Variants in DLG2 observed in about 807,000 individuals in gnomAD.
DLG2 encodes disks large homolog 2.
DLG2 carries 45 observed loss-of-function variants against 132.5 expected under a neutral mutation model. The observed-to-expected ratio is 0.34, with a 90% confidence interval of 0.27 to 0.44. DLG2 has a LOEUF of 0.44. DLG2 is among the 20% of genes least tolerant of loss of function. The probability of loss-of-function intolerance (pLI) is 1.00; values close to 1 mark genes in which losing one functional copy is unlikely to be tolerated. For synonymous variants in DLG2, 424 were observed against 419.6 expected (o/e 1.01, Z -0.13); for missense variants, 1,045 against 1,196.9 (o/e 0.87, Z 1.87).
chr11:84,285,955 G>C (rs567209599), intron 7 of DLG2, among the ~76,000 whole-genome samples: 31 of 152,228 alleles, frequency 2.0e-4, no homozygotes, highest in African/African-American at 6.5e-4. Flanking sequence ...TGCACAGCCA[G>C]AATTAGCAAC....
intron 3 of DLG2, among the ~76,000 whole-genome samples, chr11:85,424,603 G>C (rs1330151528): frequency 6.6e-6 from 1 of 152,230 alleles, no homozygotes; most frequent in Non-Finnish European, 1.5e-5. Flanking sequence ...TCCAACTGAA[G>C]TAGATCCCAG....
intron 6 of DLG2, among the ~76,000 whole-genome samples, chr11:85,064,481 C>G (rs1470312055): frequency 6.6e-6 from 1 of 151,702 alleles, no homozygotes; most frequent in Non-Finnish European, 1.5e-5. Context: ...CTATACCTCG[C>G]CACTTACATA....
chr11:83,496,743 T>C (rs1196238436), intron 21 of DLG2, among the ~76,000 whole-genome samples: 1 of 152,156 alleles, frequency 6.6e-6, no homozygotes, highest in Non-Finnish European at 1.5e-5. Context: ...AACTAAGCTA[T>C]GGTGGTAGAA....
chr11:83,792,574 T>C (rs1349912698), intron 17 of DLG2, among the ~76,000 whole-genome samples: 4 of 152,136 alleles, frequency 2.6e-5, no homozygotes, highest in African/African-American at 9.6e-5. Context: ...AAATATATAA[T>C]TTAAAATTTT....
At position 85,285,335 on chromosome 11, in the gene DLG2, A is replaced by G; in HGVS notation, c.71T>C (p.Leu24Pro). ...CTGCTCACAACTTTTTTGAGAATTT[A>G]GCAATGTCACCTCATAAAATTCTTG... ...DIQEFYEVTL[L>P]NSQKSCEQKI... The change falls in exon 4 of 28, where the codon CTA (leucine) becomes CCA (proline). Residue 24 changes from leucine to proline, a missense_variant. By Grantham distance (98) the Leu-to-Pro change is moderately conservative. Transcript: ENST00000376104. 6.2e-7 allele frequency: 1 copy of G among 1,611,576 alleles called. No individual in the cohort carries two copies. Among genetic ancestry groups the G allele is most frequent in the Non-Finnish European group, 8.5e-7 (1 of 1,178,482 alleles).
At chr11:84,807,471 A>C (rs532408266) in intron 6 of DLG2, among the ~76,000 whole-genome samples, 1 of 152,240 alleles carries the variant, frequency 6.6e-6, no homozygotes, top group East Asian at 1.9e-4. Context: ...CAAAAAAGCA[A>C]AAAAAGAATA....
At chr11:85,118,282 C>T (rs547259843) in intron 5 of DLG2, among the ~76,000 whole-genome samples, 1 of 152,176 alleles carries the variant, frequency 6.6e-6, no homozygotes, top group South Asian at 2.1e-4. Flanking sequence ...CCAAAGGATG[C>T]TGAGAACAAG....
At chr11:85,043,427 C>T (rs899541212) in intron 6 of DLG2, among the ~76,000 whole-genome samples, 1 of 151,620 alleles carries the variant, frequency 6.6e-6, no homozygotes, top group Non-Finnish European at 1.5e-5. Flanking sequence ...GAAAGCTTCA[C>T]CAAACCATTA....
chr11:85,583,236 G>T (rs1416104305), intron 3 of DLG2, among the ~76,000 whole-genome samples: 1 of 145,768 alleles, frequency 6.9e-6, no homozygotes, highest in East Asian at 2.0e-4. Flanking sequence ...TGTGATCAGA[G>T]CTCACTGCAG....
At chr11:84,051,775 TA>T (rs950863308) in intron 11 of DLG2, among the ~76,000 whole-genome samples, 6 of 145,114 alleles carry the variant, frequency 4.1e-5, no homozygotes, top group African/African-American at 7.6e-5. Context: ...AAGTATAATA[TA>T]AAAAAAAAGA....
At chr11:84,703,920 T>G (rs1308981629) in intron 6 of DLG2, among the ~76,000 whole-genome samples, 1 of 130,040 alleles carries the variant, frequency 7.7e-6, no homozygotes, top group African/African-American at 3.1e-5. Context: ...GTGTGTGTAT[T>G]TATATATGTA....
At chr11:85,043,980 CT>C in intron 6 of DLG2, among the ~76,000 whole-genome samples, 1 of 152,002 alleles carries the variant, frequency 6.6e-6, no homozygotes, top group East Asian at 1.9e-4. Context: ...TACAGAATAA[CT>C]TTAATAAACA....
rs147650902 is a variant in DLG2 at position 84,201,280 on chromosome 11, C to G, written c.574-37769G>C. Reference sequence around the variant, plus strand: ...TTGTGTATGTTGAACCAATCTTTTACCCCAGGGATGAAGCCTATTTGACTG... The same window carrying G: ...TTGTGTATGTTGAACCAATCTTTTAGCCCAGGGATGAAGCCTATTTGACTG... On this transcript the variant is annotated intron_variant, in intron 8 of 27. Transcript: ENST00000376104. Among the ~76,000 whole-genome samples, 27 of 152,174 alleles carry G rather than the reference C, an allele frequency of 1.8e-4. No individual in the cohort carries two copies. The East Asian group carries it at 5.0e-3, about 28-fold the overall frequency.
chr11:84,777,324 T>TATATATATAC lies in DLG2; in HGVS notation c.358-242594_358-242593insGTATATATAT, dbSNP rs1449220928. ...ATATATATATATATATATATATATA[T>TATATATATAC]ACGTTTTCTTTACCCAGTCATCCAC... On this transcript the variant is annotated intron_variant, in intron 6 of 27. Coordinates refer to ENST00000376104, the MANE Select transcript of DLG2 (RefSeq NM_001142699.3). Among the ~76,000 whole-genome samples the TATATATATAC allele has an allele frequency of 1.5e-3, 156 of 105,754 alleles. 1 individual carries two copies. Among genetic ancestry groups the TATATATATAC allele is most frequent in the South Asian group, 2.6e-3 (8 of 3,128 alleles). The allele number at this position is 105,754 out of a possible 152,430, so 69.4% of individuals were successfully genotyped here.
chr11:85,349,941 T>C (rs1246224003), intron 3 of DLG2, among the ~76,000 whole-genome samples: 1 of 151,584 alleles, frequency 6.6e-6, no homozygotes, highest in East Asian at 1.9e-4. Flanking sequence ...ATGGGATTGC[T>C]AGGTCAAATG....
At chr11:83,941,649 C>T (rs888115733) in intron 14 of DLG2, among the ~76,000 whole-genome samples, 1 of 152,136 alleles carries the variant, frequency 6.6e-6, no homozygotes, top group Non-Finnish European at 1.5e-5. Flanking sequence ...CGGCCTCAGC[C>T]TCCCCAAGTG....
intron 3 of DLG2, among the ~76,000 whole-genome samples, chr11:85,472,415 C>T (rs975727668): frequency 6.6e-6 from 1 of 152,180 alleles, no homozygotes; most frequent in Non-Finnish European, 1.5e-5. Context: ...GATTCTCCTG[C>T]CTCAGCCTCC....
chr11:84,934,173 T>C (rs984353542), intron 6 of DLG2, among the ~76,000 whole-genome samples: 1 of 152,160 alleles, frequency 6.6e-6, no homozygotes, highest in African/African-American at 2.4e-5. Context: ...ATAAATCACA[T>C]TTATTGATTT....
chr11:85,517,602 T>C (rs760055504), intron 3 of DLG2, among the ~76,000 whole-genome samples: 1 of 151,962 alleles, frequency 6.6e-6, no homozygotes, highest in Non-Finnish European at 1.5e-5. Flanking sequence ...ATCAGTAGCA[T>C]TTCTTTCTTC....
Sources: gnomAD v4.1 joint callset for allele counts (sites outside exome capture counted in the v4.1 genomes callset) on GRCh38, gnomAD v4.1.1 for gene constraint, MANE v1.5 for transcripts, NCBI Gene and HGNC (gene_info 2026-07-23, HGNC 2026-07-21) for gene names.